The following ADAMTS12 variants were observed in gnomAD, a reference collection of about 807,000 sequenced individuals.
ADAMTS12 encodes ADAM metallopeptidase with thrombospondin type 1 motif 12.
A neutral mutation model predicts 167.8 loss-of-function variants in ADAMTS12; 118 were observed. That is an observed-to-expected ratio of 0.70 (90% CI 0.61 to 0.82). The LOEUF is 0.82. Among genes scored for constraint, ADAMTS12 ranks in the 40% least tolerant of loss-of-function variants. The pLI is 0.00. For missense variants in ADAMTS12, 1,916 were observed against 1,998.8 expected, an observed-to-expected ratio of 0.96 and a Z score of 0.79; for synonymous variants, 704 against 716.9, an observed-to-expected ratio of 0.98 and a Z score of 0.29.
intron 3 of ADAMTS12, among the ~76,000 whole-genome samples, chr5:33,710,109 T>C (rs13354255): frequency 0.016 from 2,507 of 152,284 alleles, 68 homozygotes; most frequent in African/African-American, 0.057. Flanking sequence ...GACCCAAAGA[T>C]ATGCTAGGTA....
rs1747187750 is a variant in ADAMTS12 at position 33,805,452 on chromosome 5, G to A, written c.490-53904C>T. ...GAGACCCCAGCAAGGCTCAAGGTCT[G>A]TATAGGGCACCTGAGGCTTACTCCT... is the stretch of plus-strand genomic sequence containing the variant. On this transcript the variant is annotated intron_variant, in intron 2 of 23. Transcript: ENST00000504830. Among the ~76,000 whole-genome samples the A allele has an allele frequency of 2.6e-5, 4 of 152,188 alleles. No homozygotes were observed. The South Asian group carries it at 8.3e-4, about 31-fold the overall frequency.
intron 19 of ADAMTS12, among the ~76,000 whole-genome samples, chr5:33,573,225 T>C (rs1746483618): frequency 6.6e-6 from 1 of 151,928 alleles, no homozygotes; most frequent in Admixed American, 6.6e-5. Flanking sequence ...CCAATGACTT[T>C]CTTCACAGAA....
At chr5:33,653,150 G>C (rs547528106) in intron 7 of ADAMTS12, among the ~76,000 whole-genome samples, 3 of 152,072 alleles carry the variant, frequency 2.0e-5, no homozygotes, top group South Asian at 2.1e-4. Context: ...TATAATATTA[G>C]GTTTAAATTT....
intron 21 of ADAMTS12, 48 bp from the exon 22 acceptor site, chr5:33,546,250 G>A (rs763435015): frequency 1.9e-5 from 30 of 1,554,138 alleles, no homozygotes; most frequent in Admixed American, 3.8e-5. Context: ...GTGGAGACAT[G>A]TTTAATGATA....
Position 33,832,284 on chromosome 5 carries a change from C to T in ADAMTS12, c.489+48835G>A, listed in dbSNP as rs182077164. 1.5e-3 allele frequency among the ~76,000 whole-genome samples: 225 copies of T among 152,240 alleles called. 8 individuals are homozygous for T. The highest frequency in any genetic ancestry group is 0.014 in the Admixed American group (219 of 15,286). ...CCCTGACTCCTTGTGTGAGATTCAT[C>T]GAAGTCCACAAGCTTACTATGCTTC... On this transcript the variant is annotated intron_variant, in intron 2 of 23. Transcript: ENST00000504830.
At chr5:33,852,472 G>T (rs571467782) in intron 2 of ADAMTS12, among the ~76,000 whole-genome samples, 1 of 152,322 alleles carries the variant, frequency 6.6e-6, no homozygotes, top group South Asian at 2.1e-4. Context: ...GGTACAGAGG[G>T]TGAGTGGATG....
chr5:33,831,839 G>A (rs1748311616), intron 2 of ADAMTS12, among the ~76,000 whole-genome samples: 1 of 152,230 alleles, frequency 6.6e-6, no homozygotes, highest in African/African-American at 2.4e-5. Flanking sequence ...AGGTGGCAGA[G>A]ACAGTCATGA....
At chr5:33,597,441 C>T (rs548103693) in intron 16 of ADAMTS12, among the ~76,000 whole-genome samples, 23 of 152,238 alleles carry the variant, frequency 1.5e-4, no homozygotes, top group Admixed American at 1.2e-3. Flanking sequence ...TGGAAAGGCC[C>T]GGAGCAATCC....
chr5:33,652,625 T>G (rs1740906623), intron 7 of ADAMTS12, among the ~76,000 whole-genome samples: 1 of 152,188 alleles, frequency 6.6e-6, no homozygotes, highest in Admixed American at 6.5e-5. Flanking sequence ...AGAAGCTTTT[T>G]TGTTTAATTA....
In ADAMTS12 at chr5:33,525,160, A is replaced by G. The variant is rs1266577114; in HGVS notation, c.*2028T>C. On this transcript the variant is annotated 3_prime_UTR_variant, in exon 24 of 24. Transcript: ENST00000504830. Reference sequence around the variant, plus strand: ...GACAGTCTTTGCAAACTGCCTCATTAGTAAATATCAGATTCTCCTCCACTC... The same window carrying G: ...GACAGTCTTTGCAAACTGCCTCATTGGTAAATATCAGATTCTCCTCCACTC... 1 of 152,252 alleles carries G rather than the reference A, an allele frequency of 6.6e-6. No homozygotes were observed. The highest frequency in any genetic ancestry group is 1.9e-4 in the East Asian group (1 of 5,200). The allele number at this position is 152,252 out of a possible 1,614,324, so 9.4% of individuals were successfully genotyped here.
At chr5:33,655,497 T>C (rs1741019816) in intron 7 of ADAMTS12, among the ~76,000 whole-genome samples, 1 of 152,030 alleles carries the variant, frequency 6.6e-6, no homozygotes, top group Non-Finnish European at 1.5e-5. Flanking sequence ...AGATAATGAA[T>C]TGTTTATTGT....
At chr5:33,667,586 GAAAAC>G (rs1415268328) in intron 5 of ADAMTS12, among the ~76,000 whole-genome samples, 1 of 152,096 alleles carries the variant, frequency 6.6e-6, no homozygotes, top group East Asian at 1.9e-4. Context: ...TAAATAATCT[GAAAAC>G]AAACTCTGTT....
At chr5:33,703,033 T>C (rs1561223859) in intron 3 of ADAMTS12, among the ~76,000 whole-genome samples, 1 of 152,208 alleles carries the variant, frequency 6.6e-6, no homozygotes, top group Non-Finnish European at 1.5e-5. Flanking sequence ...CTTGAATACC[T>C]TGAATCGTAC....
At chr5:33,848,380 G>A (rs774433732) in intron 2 of ADAMTS12, among the ~76,000 whole-genome samples, 1 of 152,178 alleles carries the variant, frequency 6.6e-6, no homozygotes, top group Non-Finnish European at 1.5e-5. Flanking sequence ...ACAAACAAGC[G>A]ACATAGTGAG....
intron 22 of ADAMTS12, among the ~76,000 whole-genome samples, chr5:33,542,940 C>A (rs2111796816): frequency 6.6e-6 from 1 of 152,232 alleles, no homozygotes; most frequent in East Asian, 1.9e-4. Flanking sequence ...ACCCTAACAT[C>A]ACAATTAAAA....
intron 2 of ADAMTS12, among the ~76,000 whole-genome samples, chr5:33,785,838 G>T (rs571465608): frequency 6.6e-6 from 1 of 152,082 alleles, no homozygotes; most frequent in Admixed American, 6.5e-5. Context: ...GAAATGAAGC[G>T]TGTATTCACA....
chr5:33,666,597 A>T (rs1579815385), intron 5 of ADAMTS12, among the ~76,000 whole-genome samples: 1 of 152,046 alleles, frequency 6.6e-6, no homozygotes, highest in Admixed American at 6.5e-5. Context: ...GGTTCAAGGG[A>T]TTCTCCTGCC....
chr5:33,837,676 G>A (rs950690743), intron 2 of ADAMTS12, among the ~76,000 whole-genome samples: 1 of 152,166 alleles, frequency 6.6e-6, no homozygotes, highest in Non-Finnish European at 1.5e-5. Flanking sequence ...TGATGATTTT[G>A]TAAAAGAAAG....
At chr5:33,771,681 T>C (rs1391901691) in intron 2 of ADAMTS12, among the ~76,000 whole-genome samples, 2 of 152,154 alleles carry the variant, frequency 1.3e-5, no homozygotes, top group African/African-American at 4.8e-5. Context: ...CACTGAATTA[T>C]ACACATAGAA....
Sources: allele counts gnomAD v4.1 joint callset (sites outside exome capture counted in the v4.1 genomes callset), GRCh38; gene constraint gnomAD v4.1.1; transcripts MANE v1.5; gene names NCBI Gene and HGNC (gene_info 2026-07-23, HGNC 2026-07-21).